PDZD9: variants seen among roughly 807,000 people sequenced by gnomAD.
The protein encoded by PDZD9 is PDZ domain containing 9.
A neutral mutation model predicts 16.3 loss-of-function variants in PDZD9; 13 were observed. The observed-to-expected ratio is 0.80, with a 90% CI of 0.52 to 1.27. PDZD9 has a LOEUF of 1.27. Among genes scored for constraint, PDZD9 ranks in the 50% most tolerant of loss-of-function variants. The pLI, the probability that PDZD9 is intolerant of heterozygous loss-of-function variation, is 0.00. For missense variants in PDZD9, 288 were observed against 310.9 expected (o/e 0.93, Z 0.55); for synonymous variants, 120 against 111.0 (o/e 1.08, Z -0.51).
the PDZD9 span, among the ~76,000 whole-genome samples, chr16:21,978,628 C>T: frequency 6.7e-4 from 102 of 152,162 alleles, 1 homozygote; most frequent in Admixed American, 2.4e-3. Flanking sequence ...GATCTAAGTT[C>T]TAGTCCCAAA....
chr16:21,961,626 T>TTATATATATCTATA, the PDZD9 span, among the ~76,000 whole-genome samples: 1 of 64,476 alleles, frequency 1.6e-5, no homozygotes, highest in Non-Finnish European at 4.3e-5. Context: ...AACATAAAAT[T>TTATATATATCTATA]TATATATATA....
At chr16:21,962,454 A>AT in the PDZD9 span, 8 of 1,614,120 alleles carry the variant, frequency 5.0e-6, no homozygotes, top group Non-Finnish European at 6.8e-6. Flanking sequence ...TTATTTTCCG[A>AT]TTCAGTGTGA....
intron 2 of PDZD9, among the ~76,000 whole-genome samples, chr16:21,990,476 A>G (rs1046045173): frequency 1.3e-5 from 2 of 152,202 alleles, no homozygotes; most frequent in Non-Finnish European, 2.9e-5. Flanking sequence ...AATTCCAGAA[A>G]ACAAATACTT....
the PDZD9 span, among the ~76,000 whole-genome samples, chr16:21,960,407 AT>A: frequency 9.2e-5 from 14 of 152,348 alleles, no homozygotes; most frequent in East Asian, 2.7e-3. Flanking sequence ...GAGTTAGGGC[AT>A]TGCTCTGGAT....
At chr16:21,965,286 C>T in the PDZD9 span, 2 of 786,510 alleles carry the variant, frequency 2.5e-6, no homozygotes, top group East Asian at 2.7e-5. Context: ...ATTTTAAGTC[C>T]TCTTAACATA....
intron 3 of PDZD9, among the ~76,000 whole-genome samples, chr16:21,986,416 C>G (rs1898878521): frequency 6.6e-6 from 1 of 152,094 alleles, no homozygotes; most frequent in African/African-American, 2.4e-5. Context: ...GATCTCAAAA[C>G]TCCTCCATGT....
the PDZD9 span, among the ~76,000 whole-genome samples, chr16:21,970,332 T>G: frequency 6.6e-6 from 1 of 152,228 alleles, no homozygotes; most frequent in African/African-American, 2.4e-5. Context: ...CCAGGACATA[T>G]GGTAACTCTG....
the PDZD9 span, among the ~76,000 whole-genome samples, chr16:21,966,329 A>G: frequency 6.6e-6 from 1 of 152,056 alleles, no homozygotes; most frequent in African/African-American, 2.4e-5. Flanking sequence ...TTTGCTGGCT[A>G]TAGGGGTTTG....
rs937763512 is a variant in PDZD9 at position 21,988,757 on chromosome 16, C to T, written c.246G>A (p.Val82=). ...DVLISVGHAN[V]LGYTLREFLQ... ...AAAATTCTCGAAGAGTATATCCTAA[C>T]ACATTGGCATGGCCAACACTAATCA... Residue 82 remains valine (V), a synonymous_variant, in exon 3 of 4, where the codon GTG becomes GTA. Coordinates refer to ENST00000424898, the MANE Select transcript of PDZD9 (RefSeq NM_001363519.1). 12 of 1,612,654 alleles carry T rather than the reference C, an allele frequency of 7.4e-6. No individual in the cohort carries two copies. The highest frequency in any genetic ancestry group is 1.6e-4 in the Middle Eastern group (1 of 6,074).
At position 21,985,824 on chromosome 16, in the gene PDZD9, G is replaced by A. The variant is rs889713344; in HGVS notation, c.402-1164C>T. On this transcript the variant is annotated intron_variant, in intron 3 of 3. Coordinates refer to ENST00000424898, the MANE Select transcript of PDZD9 (RefSeq NM_001363519.1). ...CTTTTCCAAAAGTTTATCTCTTCCA[G>A]TAATAAACAGTTGATAATGAGTAAT... Among the ~76,000 whole-genome samples the A allele has an allele frequency of 2.0e-5, 3 of 152,128 alleles. No homozygotes were observed. The East Asian group carries it at 5.8e-4, about 29-fold the overall frequency.
At position 21,996,340 on chromosome 16, in the gene PDZD9, C is replaced by T. The variant is rs566476922; in HGVS notation, c.193G>A (p.Asp65Asn). 17 of 1,535,634 alleles carry T rather than the reference C, an allele frequency of 1.1e-5. No individual in the cohort carries two copies. Among genetic ancestry groups the T allele is most frequent in the South Asian group, 6.0e-5 (5 of 84,014 alleles). ...CAATCACCTGGCTGGAGTTTCCCGT[C>T]GTTGGCTGCAGCCCCCTTCCTGATG... ...HLIRKGAAANDGKLQPGDVLI... is the reference protein window; with the variant it reads ...HLIRKGAAANNGKLQPGDVLI... Residue 65 changes from aspartate to asparagine, a missense_variant, in exon 2 of 4, where the codon GAC becomes AAC. Coordinates refer to ENST00000424898, the MANE Select transcript of PDZD9 (RefSeq NM_001363519.1).
the PDZD9 span, chr16:21,959,755 T>G: frequency 6.6e-6 from 1 of 152,354 alleles, no homozygotes; most frequent in Non-Finnish European, 1.5e-5. Flanking sequence ...ATAATAAGAC[T>G]TGAAAATAAA....
chr16:21,962,375 C>A, the PDZD9 span: 1 of 1,501,424 alleles, frequency 6.7e-7, no homozygotes, highest in South Asian at 1.2e-5. Context: ...ATTTTCTTTC[C>A]AAAGGAATTG....
At chr16:21,996,831 T>A (rs1231960285) in intron 1 of PDZD9, among the ~76,000 whole-genome samples, 4 of 152,194 alleles carry the variant, frequency 2.6e-5, no homozygotes, top group African/African-American at 4.8e-5. Context: ...GTTGGGTTTT[T>A]TGGTTTTAAC....
chr16:21,996,704 G>A (rs924660803), intron 1 of PDZD9, among the ~76,000 whole-genome samples: 4 of 152,174 alleles, frequency 2.6e-5, no homozygotes, highest in South Asian at 2.1e-4. Context: ...CTTTTGCAGA[G>A]TCTGGCATAT....
downstream of PDZD9, among the ~76,000 whole-genome samples, chr16:21,979,179 G>A (rs1402905232): frequency 1.3e-5 from 2 of 152,188 alleles, no homozygotes. Context: ...GTGACACCAA[G>A]TACAGGCCTG....
chr16:21,996,593 G>T, intron 1 of PDZD9, 92 bp from the exon 2 acceptor site: 1 of 1,174,270 alleles, frequency 8.5e-7, no homozygotes, highest in Non-Finnish European at 1.2e-6. Context: ...CCCTGGGACA[G>T]TTATTTAATC....
chr16:21,958,808 T>C, the PDZD9 span, among the ~76,000 whole-genome samples: 1 of 152,178 alleles, frequency 6.6e-6, no homozygotes. Context: ...ATCTGCAATA[T>C]ATAGGCATAC....
At chr16:21,980,417 G>C (rs975512323), downstream of PDZD9, 3 of 933,870 alleles carry the variant, frequency 3.2e-6, no homozygotes, top group Admixed American at 2.6e-5. Flanking sequence ...GGGGAATTCA[G>C]GAAGAGGGAG....
Sources: gnomAD v4.1 joint callset for allele counts (sites outside exome capture counted in the v4.1 genomes callset) on GRCh38, gnomAD v4.1.1 for gene constraint, MANE v1.5 for transcripts, NCBI Gene and HGNC (gene_info 2026-07-23, HGNC 2026-07-21) for gene names.